Variants in SMG1 observed in about 807,000 individuals in gnomAD.
SMG1 encodes the protein SMG1 nonsense mediated mRNA decay associated PI3K related kinase, also known as serine/threonine-protein kinase SMG1.
Under a neutral mutation model 419.9 loss-of-function variants are expected in SMG1, and 22 were observed. The observed-to-expected ratio is 0.05, with a 90% CI of 0.04 to 0.07. The LOEUF (loss-of-function observed/expected upper bound fraction) is 0.07, where lower values mean the gene tolerates loss of function less well. SMG1 is among the 10% of genes least tolerant of loss of function. The pLI is 1.00. For missense variants in SMG1, 3,185 were observed against 4,342.0 expected (o/e 0.73, Z 7.49); for synonymous variants, 1,538 against 1,553.5 (o/e 0.99, Z 0.23).
intron 1 of SMG1, among the ~76,000 whole-genome samples, chr16:18,908,411 AG>A (rs1310357839): frequency 6.6e-6 from 1 of 150,820 alleles, no homozygotes; most frequent in Non-Finnish European, 1.5e-5. Flanking sequence ...ACGAAGATTA[AG>A]AATCACTAAG....
intron 26 of SMG1, among the ~76,000 whole-genome samples, chr16:18,860,150 A>G (rs1205032909): frequency 6.6e-6 from 1 of 152,194 alleles, no homozygotes; most frequent in African/African-American, 2.4e-5. Flanking sequence ...CTCAGAGGGC[A>G]GAGGCTGCAG....
chr16:18,850,492 G>T, intron 33 of SMG1, 25 bp from the exon 34 acceptor site: 1 of 1,519,752 alleles, frequency 6.6e-7, no homozygotes, highest in Non-Finnish European at 9.1e-7. Flanking sequence ...TGCACAAAAT[G>T]CTATTTTAAA....
chr16:18,841,090 A>T (rs1392365629), intron 41 of SMG1, among the ~76,000 whole-genome samples: 1 of 151,566 alleles, frequency 6.6e-6, no homozygotes, highest in African/African-American at 2.4e-5. Context: ...AAAAGCAAAC[A>T]ACTTTATTTT....
intron 6 of SMG1, among the ~76,000 whole-genome samples, chr16:18,887,732 C>A (rs1225113734): frequency 6.3e-5 from 3 of 47,912 alleles, no homozygotes; most frequent in African/African-American, 8.8e-5. Context: ...TTTTAAACTA[C>A]ATACCCAAAA....
intron 10 of SMG1, among the ~76,000 whole-genome samples, chr16:18,880,688 G>C (rs1414688329): frequency 2.2e-4 from 30 of 137,140 alleles, no homozygotes; most frequent in Middle Eastern, 4.0e-3. Context: ...GCACTCCAGC[G>C]TGGGCAACAG....
rs2034723682 is a variant in SMG1, at chr16:18,853,616, C to T, written c.4735G>A (p.Glu1579Lys). Reference protein sequence around the residue: ...IELPSVNTMEEEYPRIESEST... With the variant: ...IELPSVNTMEKEYPRIESEST... ...TCACTCTCGATCCGAGGATACTCTT[C>T]TTCCATCGTATTAACAGATGGCAGT... Residue 1579 changes from glutamate (E) to lysine (K), a missense_variant, in exon 31 of 63, where the codon GAA becomes AAA. Physicochemically the swap from Glu to Lys is moderately conservative, Grantham distance 56 (BLOSUM62 1). Around this residue, in one of 27 missense-constraint regions of SMG1, gnomAD observed 493 missense variants for 552.9 expected, o/e 0.89. Coordinates refer to ENST00000446231, the MANE Select transcript of SMG1 (RefSeq NM_015092.5). 2 of 1,607,780 alleles carry T rather than the reference C, an allele frequency of 1.2e-6. No individual in the cohort carries two copies. The highest frequency in any genetic ancestry group is 3.3e-4 in the Middle Eastern group (2 of 6,050).
chr16:18,836,857 ACCTGCTG>A (rs2033610698), intron 46 of SMG1, among the ~76,000 whole-genome samples: 1 of 152,206 alleles, frequency 6.6e-6, no homozygotes, highest in Non-Finnish European at 1.5e-5. Flanking sequence ...TTTACTGAGC[ACCTGCTG>A]TGTATAAGGT....
At chr16:18,829,890 T>C (rs747740356) in intron 53 of SMG1, 36 bp downstream of exon 53, 8 of 1,486,322 alleles carry the variant, frequency 5.4e-6, no homozygotes. Context: ...TAGTGCTACA[T>C]AGCTAAAGCT....
intron 35 of SMG1, 38 bp downstream of exon 35, chr16:18,849,911 G>GAA (rs1385449334): frequency 1.3e-6 from 2 of 1,585,324 alleles, no homozygotes; most frequent in Admixed American, 3.6e-5. Flanking sequence ...ATCCTAGTGA[G>GAA]AAACTATTTT....
In SMG1 at chr16:18,806,617, G is replaced by A. The variant is rs1172113054; in HGVS notation, c.*2952C>T. On this transcript the variant is annotated 3_prime_UTR_variant, in exon 63 of 63. Coordinates refer to ENST00000446231, the MANE Select transcript of SMG1 (RefSeq NM_015092.5). ...ATCAACTAAAAATTAGGCAATTCTA[G>A]TAAATTAAAGACAGCAAAAAACTTA... The A allele has an allele frequency of 2.0e-5, 3 of 152,208 alleles. No homozygotes were observed. Among genetic ancestry groups the A allele is most frequent in the Admixed American group, 1.3e-4 (2 of 15,278 alleles). 9.4% of individuals were successfully genotyped at this position (152,208 alleles called of 1,614,324 possible).
At chr16:18,818,948 T>G (rs1191416475) in intron 56 of SMG1, among the ~76,000 whole-genome samples, 1 of 151,816 alleles carries the variant, frequency 6.6e-6, no homozygotes, top group Non-Finnish European at 1.5e-5. Context: ...TCCTGAGCAG[T>G]TGGGACTACA....
intron 60 of SMG1, among the ~76,000 whole-genome samples, chr16:18,813,912 T>C (rs1325058673): frequency 6.6e-6 from 1 of 151,300 alleles, no homozygotes; most frequent in Non-Finnish European, 1.5e-5. Flanking sequence ...GTTCTTGTAA[T>C]TCCAGCTACT....
chr16:18,855,368 T>C (rs2034839819), intron 29 of SMG1, among the ~76,000 whole-genome samples: 1 of 152,290 alleles, frequency 6.6e-6, no homozygotes, highest in South Asian at 2.1e-4. Flanking sequence ...GCTCTCTACT[T>C]TTCCCACTGC....
chr16:18,914,108 G>A (rs533347794), intron 1 of SMG1, among the ~76,000 whole-genome samples: 16 of 150,998 alleles, frequency 1.1e-4, no homozygotes, highest in African/African-American at 2.7e-4. Context: ...TAGAGGTTGC[G>A]TGAGCCTAGA....
At chr16:18,878,918 G>A (rs1567415117) in intron 11 of SMG1, 1 of 159,760 alleles carries the variant, frequency 6.3e-6, no homozygotes, top group Non-Finnish European at 1.4e-5. Context: ...GCTGAGGTGG[G>A]AGGATCACCT....
At chr16:18,909,258 CT>C (rs1257715318) in intron 1 of SMG1, among the ~76,000 whole-genome samples, 5 of 152,102 alleles carry the variant, frequency 3.3e-5, no homozygotes, top group African/African-American at 1.2e-4. Context: ...AGGAGAATCA[CT>C]TGAACCCGGG....
intron 16 of SMG1, among the ~76,000 whole-genome samples, 174 bp downstream of exon 16, chr16:18,871,190 A>G (rs1319447432): frequency 6.6e-6 from 1 of 151,982 alleles, no homozygotes; most frequent in Non-Finnish European, 1.5e-5. Context: ...ACTTCAAAAC[A>G]TTTTTCTAAT....
At chr16:18,867,244 T>C (rs921976628) in intron 22 of SMG1, among the ~76,000 whole-genome samples, 3 of 152,252 alleles carry the variant, frequency 2.0e-5, no homozygotes, top group South Asian at 2.1e-4. Flanking sequence ...ATAAAAACAA[T>C]TTCTCCTGGC....
chr16:18,887,523 T>TTTTTTTTTTG (rs2036669363), intron 6 of SMG1, among the ~76,000 whole-genome samples: 5 of 141,248 alleles, frequency 3.5e-5, no homozygotes, highest in Non-Finnish European at 6.2e-5. Flanking sequence ...TTCCTTTTTT[T>TTTTTTTTTTG]TTTTTTTTTT....
Sources: gnomAD v4.1 joint callset for allele counts (sites outside exome capture counted in the v4.1 genomes callset) on GRCh38, gnomAD v4.1.1 for gene constraint, gnomAD v4.1.1 regional missense constraint, MANE v1.5 for transcripts, NCBI Gene and HGNC (gene_info 2026-07-23, HGNC 2026-07-21) for gene names.